DLG2: variants seen among roughly 807,000 people sequenced by gnomAD.
DLG2 encodes the protein disks large homolog 2.
DLG2 carries 45 observed loss-of-function variants against 132.5 expected under a neutral mutation model. The ratio of observed to expected loss-of-function variants is 0.34; its 90% CI spans 0.27 to 0.44. The LOEUF is 0.44. Ranked by LOEUF, DLG2 falls within the 20% of genes least tolerant of loss-of-function variation. DLG2 has a pLI of 1.00. For missense variants in DLG2, 1,045 were observed against 1,196.9 expected, an observed-to-expected ratio of 0.87 and a Z score of 1.87; for synonymous variants, 424 against 419.6, an observed-to-expected ratio of 1.01 and a Z score of -0.13.
At chr11:84,828,086 T>C (rs888966985) in intron 6 of DLG2, among the ~76,000 whole-genome samples, 1 of 151,264 alleles carries the variant, frequency 6.6e-6, no homozygotes, top group Non-Finnish European at 1.5e-5. Context: ...GAAACGTTTG[T>C]AAAATTGAAT....
At chr11:85,112,059 C>T (rs1022617241) in intron 5 of DLG2, among the ~76,000 whole-genome samples, 4 of 152,030 alleles carry the variant, frequency 2.6e-5, no homozygotes, top group Admixed American at 2.6e-4. Flanking sequence ...TTCCAGGCTC[C>T]TAATCAACCC....
intron 7 of DLG2, among the ~76,000 whole-genome samples, chr11:84,410,900 G>C (rs991746159): frequency 6.6e-6 from 1 of 152,078 alleles, no homozygotes; most frequent in African/African-American, 2.4e-5. Flanking sequence ...ATTTTTAAGA[G>C]CTTATGGATC....
At chr11:84,781,546 T>C (rs2071781209) in intron 6 of DLG2, among the ~76,000 whole-genome samples, 1 of 151,802 alleles carries the variant, frequency 6.6e-6, no homozygotes, top group Middle Eastern at 3.2e-3. Flanking sequence ...ATAATAATAA[T>C]AGAAATTGTC....
intron 7 of DLG2, among the ~76,000 whole-genome samples, chr11:84,481,758 C>T (rs2154493534): frequency 6.6e-6 from 1 of 152,248 alleles, no homozygotes; most frequent in East Asian, 1.9e-4. Context: ...ATCAAAATTG[C>T]TTATGTTTCT....
chr11:84,802,073 T>C (rs1598432897), intron 6 of DLG2, among the ~76,000 whole-genome samples: 1 of 151,536 alleles, frequency 6.6e-6, no homozygotes, highest in East Asian at 1.9e-4. Context: ...GTTTTAGGGA[T>C]TGGGAAGCAC....
chr11:84,585,129 T>C (rs1322524696), intron 6 of DLG2, among the ~76,000 whole-genome samples: 4 of 152,212 alleles, frequency 2.6e-5, no homozygotes, highest in African/African-American at 9.6e-5. Context: ...GCCTTTTTTA[T>C]GTATTTAATC....
At chr11:85,079,326 T>C (rs1303102169) in intron 6 of DLG2, among the ~76,000 whole-genome samples, 3 of 152,010 alleles carry the variant, frequency 2.0e-5, no homozygotes, top group Non-Finnish European at 1.5e-5. Flanking sequence ...TTAATGTTGA[T>C]GCTGGTCACT....
intron 10 of DLG2, among the ~76,000 whole-genome samples, chr11:84,078,543 T>A (rs2096859032): frequency 6.6e-6 from 1 of 152,160 alleles, no homozygotes; most frequent in Non-Finnish European, 1.5e-5. Context: ...TTTATTTTTT[T>A]AAATGTGAAA....
At chr11:83,624,722 G>C (rs144986877) in intron 19 of DLG2, among the ~76,000 whole-genome samples, 1 of 152,150 alleles carries the variant, frequency 6.6e-6, no homozygotes, top group Non-Finnish European at 1.5e-5. Flanking sequence ...TGACACTCAA[G>C]TTTTAGCAAA....
chr11:84,317,322 C>G lies in DLG2; in HGVS notation c.520-66031G>C, dbSNP rs1567273923. On this transcript the variant is annotated intron_variant, in intron 7 of 27. Transcript: ENST00000376104. ...AGCAGTGGGAGCAGCGACAGCAGCT[C>G]CGCACAGCATTATCTGCGGGCTGGT... The G allele has an allele frequency of 1.1e-5, 16 of 1,426,946 alleles. No homozygotes were observed. The East Asian group carries it at 3.8e-4, about 34-fold the overall frequency. 88.4% of individuals were successfully genotyped at this position (1,426,946 alleles called of 1,614,324 possible). A position where few individuals can be genotyped will look rare whatever the true frequency, so the allele number is the denominator to read the frequency against.
chr11:85,358,724 T>G (rs1192183233), intron 3 of DLG2, among the ~76,000 whole-genome samples: 1 of 152,224 alleles, frequency 6.6e-6, no homozygotes, highest in Non-Finnish European at 1.5e-5. Context: ...TCTTAAATTC[T>G]TTCAAATACT....
intron 5 of DLG2, among the ~76,000 whole-genome samples, chr11:85,117,872 A>T (rs899782806): frequency 5.3e-5 from 8 of 152,070 alleles, no homozygotes; most frequent in Non-Finnish European, 8.8e-5. Context: ...CTGTAAATGG[A>T]AAGTTATGAG....
intron 14 of DLG2, among the ~76,000 whole-genome samples, chr11:83,958,332 C>A (rs2087474891): frequency 1.3e-5 from 2 of 152,234 alleles, no homozygotes; most frequent in South Asian, 2.1e-4. Context: ...CAGTTTGGGG[C>A]AGTTCTTGTA....
intron 22 of DLG2, among the ~76,000 whole-genome samples, chr11:83,481,172 A>AAAT (rs145623118): frequency 0.012 from 1,862 of 152,198 alleles, 23 homozygotes; most frequent in African/African-American, 0.039. Context: ...TGTTTTTTTT[A>AAAT]AATTCATGCT....
rs373473547 is a variant in DLG2, at chr11:83,608,007, G to A, written c.1940+25204C>T. Among the ~76,000 whole-genome samples, 24 of 152,074 alleles carry A rather than the reference G, an allele frequency of 1.6e-4. No homozygotes were observed. In the South Asian group the frequency reaches 4.2e-3, roughly 26 times the overall value. On this transcript the variant is annotated intron_variant, in intron 19 of 27. Transcript: ENST00000376104. ...ATTGACTGAAATGGGGCATGAGGACGTCTTACGGGGTGTTAGAAAGTTCTG... is the reference window on the plus strand; with the variant it reads ...ATTGACTGAAATGGGGCATGAGGACATCTTACGGGGTGTTAGAAAGTTCTG...
chr11:84,918,432 T>C (rs917888753), intron 6 of DLG2, among the ~76,000 whole-genome samples: 1 of 152,068 alleles, frequency 6.6e-6, no homozygotes, highest in Non-Finnish European at 1.5e-5. Flanking sequence ...CTGTACTGTT[T>C]ATTAAAGGAA....
chr11:83,667,024 G>A (rs377148792), intron 18 of DLG2, among the ~76,000 whole-genome samples: 1 of 152,054 alleles, frequency 6.6e-6, no homozygotes, highest in Admixed American at 6.5e-5. Flanking sequence ...TGCGATATAC[G>A]GTCAACGCTT....
intron 6 of DLG2, among the ~76,000 whole-genome samples, chr11:84,598,619 C>T (rs576969087): frequency 1.2e-4 from 18 of 152,142 alleles, no homozygotes; most frequent in African/African-American, 3.9e-4. Flanking sequence ...ATTTTAGTTA[C>T]TATGTTTGTT....
intron 6 of DLG2, among the ~76,000 whole-genome samples, chr11:85,087,604 C>T (rs61907796): frequency 0.016 from 2,473 of 151,432 alleles, 35 homozygotes; most frequent in South Asian, 0.031. Context: ...TTTGGGAGGC[C>T]GAGGCGGGTG....
Sources: allele counts gnomAD v4.1 joint callset (sites outside exome capture counted in the v4.1 genomes callset), GRCh38; gene constraint gnomAD v4.1.1; transcripts MANE v1.5; gene names NCBI Gene and HGNC (gene_info 2026-07-23, HGNC 2026-07-21).